Variants in SNX5 observed in about 807,000 individuals in gnomAD.
The protein encoded by SNX5 is sorting nexin-5.
SNX5 carries 31 observed loss-of-function variants against 53.9 expected under a neutral mutation model. The observed-to-expected ratio is 0.58, with a 90% CI of 0.43 to 0.78. SNX5 has a LOEUF of 0.78. Among genes scored for constraint, SNX5 ranks in the 30% least tolerant of loss-of-function variants. The probability of loss-of-function intolerance (pLI) is 0.00; values close to 1 mark genes in which losing one functional copy is unlikely to be tolerated. For missense variants in SNX5, 471 were observed against 478.8 expected (o/e 0.98, Z 0.15); for synonymous variants, 168 against 171.1 (o/e 0.98, Z 0.14).
chr20:17,954,201 C>T, intron 3 of SNX5, 84 bp from the exon 4 acceptor site: 1 of 1,566,786 alleles, frequency 6.4e-7, no homozygotes. Context: ...CTTGCTGGTC[C>T]ACAGGAGACA....
Position 17,956,695 on chromosome 20 carries a change from AAAAAAAAAAC to A in SNX5, c.156+228_156+237del, listed in dbSNP as rs1568594126. ...CTCCAAAAAAAAAAAAAAAAAAAAA[AAAAAAAAAAC>A]AAAAAAACAATGCCCACAGCCCAGG... is the stretch of plus-strand genomic sequence containing the variant. On this transcript the variant is annotated intron_variant, in intron 2 of 12. Coordinates refer to ENST00000377759, the MANE Select transcript of SNX5 (RefSeq NM_014426.4). Among the ~76,000 whole-genome samples the A allele has an allele frequency of 7.4e-4, 96 of 129,138 alleles. 6 individuals carry two copies. Among genetic ancestry groups the A allele is most frequent in the Non-Finnish European group, 1.4e-3 (77 of 56,082 alleles). The allele number at this position is 129,138 out of a possible 152,430, so 84.7% of individuals were successfully genotyped here.
intron 1 of SNX5, chr20:17,967,880 G>T: frequency 2.5e-6 from 1 of 396,576 alleles, no homozygotes; most frequent in Non-Finnish European, 4.4e-6. Flanking sequence ...CGTTTCTAAA[G>T]TTGTAAGCAG....
chr20:17,968,384 GTCC>G lies in SNX5; in HGVS notation c.39_41del (p.Glu13del), dbSNP rs2035604591. 2 of 1,283,056 alleles carry G rather than the reference GTCC, an allele frequency of 1.6e-6. No homozygotes were observed. Among genetic ancestry groups the G allele is most frequent in the South Asian group, 6.1e-5 (2 of 32,936 alleles). The allele number at this position is 1,283,056 out of a possible 1,614,324, so 79.5% of individuals were successfully genotyped here. Reference sequence around the variant, plus strand: ...GCTGGGAGGACCTCACCTTGCTGCGGTCCTCCTCCTGCTGCTGCAGCAACTCGG... The same window carrying G: ...GCTGGGAGGACCTCACCTTGCTGCGGTCCTCCTGCTGCTGCAGCAACTCGG... On this transcript the variant is annotated inframe_deletion, in exon 1 of 13. Coordinates refer to ENST00000377759, the MANE Select transcript of SNX5 (RefSeq NM_014426.4).
At chr20:17,947,398 T>C in intron 11 of SNX5, 88 bp downstream of exon 11, 1 of 1,399,688 alleles carries the variant, frequency 7.1e-7, no homozygotes, top group Non-Finnish European at 9.8e-7. Flanking sequence ...GAAGGATACA[T>C]GGGTGTTTTT....
chr20:17,944,425 C>T (rs113937295), intron 11 of SNX5: 4,070 of 152,320 alleles, frequency 0.027, 72 homozygotes, highest in Non-Finnish European at 0.043. Context: ...AATACAATGA[C>T]TTGTCGATTA....
At chr20:17,959,015 A>C (rs1414104087) in intron 1 of SNX5, among the ~76,000 whole-genome samples, 1 of 152,176 alleles carries the variant, frequency 6.6e-6, no homozygotes, top group African/African-American at 2.4e-5. Context: ...CCTTTCCCAG[A>C]GCTCAAAAAC....
chr20:17,965,029 C>G (rs1273807255), intron 1 of SNX5, among the ~76,000 whole-genome samples: 1 of 152,216 alleles, frequency 6.6e-6, no homozygotes, highest in Non-Finnish European at 1.5e-5. Context: ...TCCAACAATG[C>G]TAATTTTTAC....
chr20:17,951,498 A>T lies in SNX5; in HGVS notation c.609+2T>A. 6.2e-7 allele frequency: 1 copy of T among 1,604,038 alleles called. No individual in the cohort carries two copies. The stretch of plus-strand genomic sequence containing the variant: ...TTTCTCCAACAGCCAAAGGTCACTT[A>T]CCTTAACTCCAGTAAAAAGGACTTC... On this transcript the variant is annotated splice_donor_variant, in intron 6 of 12. Transcript: ENST00000377759. LOFTEE classifies it high-confidence loss of function.
chr20:17,958,021 AAGAG>A lies in SNX5; in HGVS notation c.52-988_52-985del, dbSNP rs386393440. Among the ~76,000 whole-genome samples the A allele has an allele frequency of 1.5e-4, 23 of 150,754 alleles. 1 individual carries two copies. The highest frequency in any genetic ancestry group is 5.4e-4 in the African/African-American group (22 of 40,510). ...GCCCGTCAAAAAAAAAAAAAAAAAA[AAGAG>A]AGGAGAGAACAGTGGCAGCACTAAT... On this transcript the variant is annotated intron_variant, in intron 1 of 12. Coordinates refer to ENST00000377759, the MANE Select transcript of SNX5 (RefSeq NM_014426.4).
intron 1 of SNX5, 42 bp downstream of exon 1, chr20:17,968,333 C>T: frequency 3.2e-6 from 4 of 1,254,672 alleles, no homozygotes; most frequent in Non-Finnish European, 4.0e-6. Context: ...CCGGAGCTCG[C>T]AGGGCCGCCC....
At chr20:17,963,920 G>C (rs2035497056) in intron 1 of SNX5, among the ~76,000 whole-genome samples, 1 of 152,022 alleles carries the variant, frequency 6.6e-6, no homozygotes. Context: ...TCTTGAGTTT[G>C]AGGTACAGCA....
Position 17,956,855 on chromosome 20 carries a change from G to A in SNX5, c.156+78C>T. ...CGAATAGCAACTGTTTCAAGCTCAGGGAATCTCTTCTCACATCCACTGTGA... is the reference window on the plus strand; with the variant it reads ...CGAATAGCAACTGTTTCAAGCTCAGAGAATCTCTTCTCACATCCACTGTGA... On this transcript the variant is annotated intron_variant, in intron 2 of 12. Transcript: ENST00000377759. 2 of 799,054 alleles carry A rather than the reference G, an allele frequency of 2.5e-6. 1 individual carries two copies. The highest frequency in any genetic ancestry group is 2.7e-5 in the South Asian group (2 of 73,442). 49.5% of individuals were successfully genotyped at this position (799,054 alleles called of 1,614,324 possible). A position where few individuals can be genotyped will look rare whatever the true frequency, so the allele number is the denominator to read the frequency against.
chr20:17,968,657 C>T lies in SNX5; in HGVS notation c.-232G>A, dbSNP rs929294478. 1.8e-5 allele frequency: 11 copies of T among 606,604 alleles called. No individual in the cohort carries two copies. Among genetic ancestry groups the T allele is most frequent in the Admixed American group, 4.9e-5 (2 of 41,022 alleles). 37.6% of individuals were successfully genotyped at this position (606,604 alleles called of 1,614,324 possible). A position where few individuals can be genotyped will look rare whatever the true frequency, so the allele number is the denominator to read the frequency against. On this transcript the variant is annotated 5_prime_UTR_variant, in exon 1 of 13. Transcript: ENST00000377759. The stretch of plus-strand genomic sequence containing the variant: ...CAGAGCAGCCTCCCAGTCCCCGCTG[C>T]CGTCCATCTTGGAGCCGGGCAAAGA...
chr20:17,959,770 C>T (rs2035419250), intron 1 of SNX5, among the ~76,000 whole-genome samples: 1 of 152,168 alleles, frequency 6.6e-6, no homozygotes, highest in African/African-American at 2.4e-5. Flanking sequence ...AGCATTTGTA[C>T]TCTCACTCGG....
intron 3 of SNX5, among the ~76,000 whole-genome samples, chr20:17,954,489 C>T (rs2035320917): frequency 6.6e-6 from 1 of 152,130 alleles, no homozygotes; most frequent in South Asian, 2.1e-4. Context: ...GGAATTTTTT[C>T]CTAATCCCAA....
chr20:17,956,671 T>C (rs1287779419), intron 2 of SNX5, among the ~76,000 whole-genome samples: 5 of 56,540 alleles, frequency 8.8e-5, no homozygotes, highest in Admixed American at 6.5e-4. Flanking sequence ...TGAGACTGTC[T>C]CCAAAAAAAA....
chr20:17,956,815 A>G (rs2122392624), intron 2 of SNX5, 118 bp downstream of exon 2: 1 of 652,536 alleles, frequency 1.5e-6, no homozygotes, highest in African/African-American at 1.8e-5. Context: ...GTTCTCACTT[A>G]ATAGTGCTAC....
chr20:17,944,288 A>G (rs1413187465), intron 11 of SNX5: 1 of 152,232 alleles, frequency 6.6e-6, no homozygotes, highest in Non-Finnish European at 1.5e-5. Context: ...ACTACAGTCA[A>G]TAATATATAT....
intron 10 of SNX5, among the ~76,000 whole-genome samples, 159 bp downstream of exon 10, chr20:17,948,731 T>C (rs1238521238): frequency 6.6e-6 from 1 of 152,222 alleles, no homozygotes; most frequent in Non-Finnish European, 1.5e-5. Flanking sequence ...CATACAGTGC[T>C]GTCAGATACA....
Sources: gnomAD v4.1 joint callset for allele counts (sites outside exome capture counted in the v4.1 genomes callset) on GRCh38, gnomAD v4.1.1 for gene constraint, MANE v1.5 for transcripts, NCBI Gene and HGNC (gene_info 2026-07-23, HGNC 2026-07-21) for gene names.